NUP210L: variants seen among roughly 807,000 people sequenced by gnomAD.
NUP210L encodes the protein nucleoporin 210 like, also known as nuclear pore membrane glycoprotein 210-like.
NUP210L carries 74 observed loss-of-function variants against 208.5 expected under a neutral mutation model. That is an observed-to-expected ratio of 0.35 (90% confidence interval 0.29 to 0.43). NUP210L has a LOEUF of 0.43. NUP210L is among the 20% of genes least tolerant of loss of function. The pLI is 1.00. For missense variants in NUP210L, 1,843 were observed against 2,289.4 expected (o/e 0.81, Z 3.98); for synonymous variants, 780 against 816.9 (o/e 0.95, Z 0.77).
At chr1:154,083,918 A>G (rs1655491469) in intron 16 of NUP210L, among the ~76,000 whole-genome samples, 1 of 151,870 alleles carries the variant, frequency 6.6e-6, no homozygotes, top group Admixed American at 6.6e-5. Flanking sequence ...CATGAATGGT[A>G]TGAAACTGCA....
exon 15 of NUP210L, chr1:154,095,015 T>C (rs778560793): frequency 1.2e-6 from 2 of 1,614,060 alleles, no homozygotes; most frequent in South Asian, 2.2e-5. Flanking sequence ...ACTTGTGCTA[T>C]TCCAATCTTC....
At chr1:154,013,730 G>A (rs1301199363) in intron 33 of NUP210L, among the ~76,000 whole-genome samples, 1 of 151,958 alleles carries the variant, frequency 6.6e-6, no homozygotes, top group Non-Finnish European at 1.5e-5. Flanking sequence ...AAGAATACTT[G>A]TACTATTCTG....
At chr1:154,100,406 G>A (rs1018329946) in intron 13 of NUP210L, among the ~76,000 whole-genome samples, 2 of 146,018 alleles carry the variant, frequency 1.4e-5, no homozygotes, top group Non-Finnish European at 3.0e-5. Context: ...AGTCATGATT[G>A]CACCACTACA....
chr1:154,023,232 G>A, exon 31 of NUP210L: 2 of 1,613,946 alleles, frequency 1.2e-6, no homozygotes, highest in Non-Finnish European at 1.7e-6. Flanking sequence ...ATGCTGACAG[G>A]GTCCTTCCTT....
At chr1:154,137,416 G>T (rs1471058587) in intron 6 of NUP210L, among the ~76,000 whole-genome samples, 10 of 152,080 alleles carry the variant, frequency 6.6e-5, no homozygotes, top group African/African-American at 2.4e-4. Flanking sequence ...GCTGGGCATG[G>T]TGGTGCACAC....
intron 37 of NUP210L, among the ~76,000 whole-genome samples, chr1:153,997,254 G>A (rs890878321): frequency 3.6e-5 from 5 of 140,758 alleles, no homozygotes; most frequent in East Asian, 2.3e-4. Context: ...ATGAGCCATC[G>A]CGCTGGCCTT....
At chr1:153,992,740 C>T (rs1424303091) in exon 40 of NUP210L, 2 of 790,712 alleles carry the variant, frequency 2.5e-6, no homozygotes, top group African/African-American at 1.7e-5. Flanking sequence ...GAAGCCTTAT[C>T]TGGAAACTTA....
exon 7 of NUP210L, chr1:154,135,839 C>T: frequency 6.2e-7 from 1 of 1,614,124 alleles, no homozygotes; most frequent in South Asian, 1.1e-5. Context: ...CAAGATTAGT[C>T]TGGCCCAGTT....
At chr1:154,152,090 CA>C (rs745735321) in intron 2 of NUP210L, among the ~76,000 whole-genome samples, 133 of 103,892 alleles carry the variant, frequency 1.3e-3, no homozygotes, top group South Asian at 3.1e-3. Flanking sequence ...AACTCCGTCT[CA>C]AAAAAAAAAA....
In NUP210L at chr1:153,992,827, A is replaced by C. The variant is rs777322327; in HGVS notation, c.*8T>G. ...CCTGCAGTTAAGAGAAACTTGTCCA[A>C]GCAGAGGTTAGTGCCTTATACTCCA... is the stretch of plus-strand genomic sequence containing the variant. On this transcript the variant is annotated 3_prime_UTR_variant, in exon 40 of 40. Coordinates refer to ENST00000368559, the Ensembl canonical transcript of NUP210L. 5.7e-6 allele frequency: 9 copies of C among 1,576,720 alleles called. No homozygotes were observed. In the South Asian group the frequency reaches 6.9e-5, roughly 12 times the overall value.
intron 12 of NUP210L, among the ~76,000 whole-genome samples, chr1:154,113,974 C>G (rs1322226166): frequency 1.3e-5 from 2 of 151,386 alleles, no homozygotes; most frequent in Non-Finnish European, 2.9e-5. Flanking sequence ...GAAACCCCGT[C>G]TCTACTAAAA....
intron 10 of NUP210L, among the ~76,000 whole-genome samples, chr1:154,121,436 C>G (rs555799813): frequency 6.6e-6 from 1 of 152,108 alleles, no homozygotes; most frequent in Non-Finnish European, 1.5e-5. Context: ...GTATTCACCC[C>G]CTTCTGTAGT....
chr1:154,042,078 GA>G (rs996078213), intron 27 of NUP210L, among the ~76,000 whole-genome samples: 3 of 151,996 alleles, frequency 2.0e-5, no homozygotes, highest in East Asian at 1.9e-4. Context: ...ATTGGAGCAA[GA>G]AGGCCTTTCC....
intron 27 of NUP210L, among the ~76,000 whole-genome samples, chr1:154,031,464 TTCATTTAA>T (rs1287063531): frequency 6.6e-6 from 1 of 152,136 alleles, no homozygotes; most frequent in Admixed American, 6.6e-5. Flanking sequence ...CTAGATCTTA[TTCATTTAA>T]TCATTTAATC....
intron 7 of NUP210L, among the ~76,000 whole-genome samples, chr1:154,134,840 C>A (rs771644319): frequency 6.6e-5 from 10 of 151,092 alleles, no homozygotes; most frequent in Non-Finnish European, 1.5e-4. Flanking sequence ...GGGGTTCAAG[C>A]GATTCTCCTG....
chr1:154,042,738 T>A (rs1290926016), intron 27 of NUP210L, among the ~76,000 whole-genome samples: 1 of 150,016 alleles, frequency 6.7e-6, no homozygotes, highest in Non-Finnish European at 1.5e-5. Context: ...TTTTTTTTCT[T>A]GAGACAAGGT....
At chr1:153,994,888 T>A (rs1362566265) in intron 38 of NUP210L, among the ~76,000 whole-genome samples, 188 bp downstream of exon 38, 2 of 151,554 alleles carry the variant, frequency 1.3e-5, no homozygotes, top group African/African-American at 4.8e-5. Context: ...GGCCGGCGCC[T>A]GTAATCCCAG....
intron 30 of NUP210L, among the ~76,000 whole-genome samples, chr1:154,024,870 G>A (rs11264886): frequency 0.28 from 40,795 of 146,682 alleles, 5,901 homozygotes; most frequent in Admixed American, 0.38. Flanking sequence ...TCCGATACCA[G>A]TCCTTTTGCC....
At chr1:154,153,405 G>T (rs1338695093) in intron 1 of NUP210L, among the ~76,000 whole-genome samples, 1 of 152,168 alleles carries the variant, frequency 6.6e-6, no homozygotes, top group Admixed American at 6.5e-5. Flanking sequence ...CGCCTCCAGG[G>T]TTCAAGCGAT....
Sources: allele counts gnomAD v4.1 joint callset (sites outside exome capture counted in the v4.1 genomes callset), GRCh38; gene constraint gnomAD v4.1.1; transcripts MANE v1.5; gene names NCBI Gene and HGNC (gene_info 2026-07-23, HGNC 2026-07-21).